Variants in GABRA2 observed in about 807,000 individuals in gnomAD.
GABRA2 encodes the protein gamma-aminobutyric acid receptor subunit alpha-2.
A neutral mutation model predicts 48.7 loss-of-function variants in GABRA2; 16 were observed. The observed-to-expected ratio is 0.33, with a 90% confidence interval of 0.22 to 0.50. The LOEUF (loss-of-function observed/expected upper bound fraction) is 0.50. GABRA2 is among the 20% of genes least tolerant of loss of function. The pLI, the probability that GABRA2 is intolerant of heterozygous loss-of-function variation, is 0.98. For synonymous variants in GABRA2, 185 were observed against 184.5 expected, an observed-to-expected ratio of 1.00 and a Z score of -0.02; for missense variants, 275 against 535.6, an observed-to-expected ratio of 0.51 and a Z score of 4.80.
At chr4:46,337,287 T>A (rs1732411482) in intron 3 of GABRA2, among the ~76,000 whole-genome samples, 1 of 152,090 alleles carries the variant, frequency 6.6e-6, no homozygotes, top group Admixed American at 6.6e-5. Context: ...CTGAGCATCC[T>A]CTAATCCAAC....
At chr4:46,347,509 A>G (rs566769851) in intron 3 of GABRA2, among the ~76,000 whole-genome samples, 1 of 152,102 alleles carries the variant, frequency 6.6e-6, no homozygotes, top group Admixed American at 6.6e-5. Flanking sequence ...AGACTCCTCC[A>G]TAAATAATGT....
At chr4:46,252,707 G>C (rs1014353554) in intron 9 of GABRA2, among the ~76,000 whole-genome samples, 5 of 151,068 alleles carry the variant, frequency 3.3e-5, no homozygotes, top group Non-Finnish European at 7.4e-5. Context: ...CTTCAAAAAG[G>C]GCTTTTCAAC....
At chr4:46,302,959 C>T (rs1483362488) in intron 8 of GABRA2, among the ~76,000 whole-genome samples, 1 of 152,102 alleles carries the variant, frequency 6.6e-6, no homozygotes, top group Non-Finnish European at 1.5e-5. Context: ...TCCTTCAGCC[C>T]CTATTTTACC....
chr4:46,316,820 G>A (rs145597379), intron 4 of GABRA2, among the ~76,000 whole-genome samples: 161 of 152,016 alleles, frequency 1.1e-3, no homozygotes, highest in African/African-American at 3.8e-3. Flanking sequence ...TGGGTTGTCT[G>A]TCATTTTCTC....
intron 2 of GABRA2, among the ~76,000 whole-genome samples, chr4:46,388,001 T>C (rs1717699757): frequency 6.6e-6 from 1 of 152,274 alleles, no homozygotes; most frequent in East Asian, 1.9e-4. Context: ...CATGTTTTTA[T>C]AGCATAGGCA....
intron 3 of GABRA2, among the ~76,000 whole-genome samples, chr4:46,377,423 C>T (rs1416312990): frequency 3.3e-5 from 5 of 151,448 alleles, no homozygotes; most frequent in Non-Finnish European, 5.9e-5. Context: ...TCTGCCCAGC[C>T]GCCCCGTCTG....
chr4:46,250,162 C>A lies in GABRA2; in HGVS notation c.*146G>T. ...CCATGAGTTAGCAAATGCATGTCTC[C>A]ATTAAAGGTCTACTGGTAAGCTATG... On this transcript the variant is annotated 3_prime_UTR_variant, in exon 10 of 10. Transcript: ENST00000381620. The A allele has an allele frequency of 1.5e-6, 1 of 651,856 alleles. No homozygotes were observed. Among genetic ancestry groups the A allele is most frequent in the Non-Finnish European group, 2.6e-6 (1 of 386,530 alleles). 40.4% of individuals were successfully genotyped at this position (651,856 alleles called of 1,614,324 possible).
chr4:46,288,409 C>T (rs1722964519), intron 8 of GABRA2, among the ~76,000 whole-genome samples: 3 of 152,092 alleles, frequency 2.0e-5, no homozygotes, highest in African/African-American at 7.2e-5. Context: ...TGCAAACAGG[C>T]TTCGTACCTA....
intron 8 of GABRA2, among the ~76,000 whole-genome samples, chr4:46,298,079 A>C (rs1024190628): frequency 6.6e-6 from 1 of 152,052 alleles, no homozygotes; most frequent in Admixed American, 6.6e-5. Flanking sequence ...GCTTTATTCC[A>C]GTGTGTTGAG....
chr4:46,336,497 C>T (rs1438834957), intron 3 of GABRA2, among the ~76,000 whole-genome samples: 4 of 152,144 alleles, frequency 2.6e-5, no homozygotes, highest in African/African-American at 9.7e-5. Flanking sequence ...GAAATATCCA[C>T]CAGCCAAAAT....
At chr4:46,267,477 AT>A (rs900637711) in intron 8 of GABRA2, among the ~76,000 whole-genome samples, 3 of 150,676 alleles carry the variant, frequency 2.0e-5, no homozygotes, top group African/African-American at 4.9e-5. Flanking sequence ...ATTTCTAATG[AT>A]TTTTTTTTCC....
chr4:46,328,310 G>A (rs1288242420), intron 4 of GABRA2, among the ~76,000 whole-genome samples: 7 of 151,638 alleles, frequency 4.6e-5, no homozygotes, highest in Non-Finnish European at 5.9e-5. Flanking sequence ...ACACGCATGT[G>A]TGTGTGTGTT....
intron 3 of GABRA2, among the ~76,000 whole-genome samples, chr4:46,356,437 G>GAA (rs35415258): frequency 1.7e-3 from 232 of 139,580 alleles, no homozygotes; most frequent in South Asian, 4.3e-3. Flanking sequence ...AACTCACTAA[G>GAA]AAAAAAAAAA....
intron 9 of GABRA2, among the ~76,000 whole-genome samples, chr4:46,253,345 C>G (rs192265841): frequency 6.6e-6 from 1 of 151,374 alleles, no homozygotes; most frequent in African/African-American, 2.4e-5. Flanking sequence ...AACAGATACT[C>G]TGACCAATCA....
At chr4:46,326,641 C>T (rs1730431495) in intron 4 of GABRA2, among the ~76,000 whole-genome samples, 1 of 151,360 alleles carries the variant, frequency 6.6e-6, no homozygotes, top group South Asian at 2.1e-4. Flanking sequence ...TATTGGTGTT[C>T]TAGAGTTTCT....
intron 8 of GABRA2, among the ~76,000 whole-genome samples, chr4:46,294,637 C>T (rs1724291405): frequency 2.0e-5 from 3 of 152,210 alleles, no homozygotes; most frequent in African/African-American, 7.2e-5. Flanking sequence ...GTGTCAGGGG[C>T]AGATACGGAT....
At chr4:46,342,535 T>C (rs1283813004) in intron 3 of GABRA2, among the ~76,000 whole-genome samples, 1 of 152,092 alleles carries the variant, frequency 6.6e-6, no homozygotes, top group Non-Finnish European at 1.5e-5. Flanking sequence ...CCTCACTAAC[T>C]GCTGCCTCGC....
chr4:46,275,652 G>A (rs116165604), intron 8 of GABRA2, among the ~76,000 whole-genome samples: 6 of 151,896 alleles, frequency 4.0e-5, no homozygotes, highest in East Asian at 3.9e-4. Flanking sequence ...TATATAAACC[G>A]CCCCAATGTT....
Position 46,319,286 on chromosome 4 carries a change from T to C in GABRA2, c.256-6570A>G, listed in dbSNP as rs1729051896. On this transcript the variant is annotated intron_variant, in intron 4 of 9. Transcript: ENST00000381620. ...CACTCACTAAAACACAACTAAATTG[T>C]AGGACTGTTCCTGGAGTGATTTCTC... Among the ~76,000 whole-genome samples, 3 of 150,906 alleles carry C rather than the reference T, an allele frequency of 2.0e-5. No homozygotes were observed. In the South Asian group the frequency reaches 6.2e-4, roughly 31 times the overall value.
Sources: gnomAD v4.1 joint callset for allele counts (sites outside exome capture counted in the v4.1 genomes callset) on GRCh38, gnomAD v4.1.1 for gene constraint, MANE v1.5 for transcripts, NCBI Gene and HGNC (gene_info 2026-07-23, HGNC 2026-07-21) for gene names.